The following INSR variants were observed in gnomAD, a reference collection of about 807,000 sequenced individuals.
INSR encodes IR.
INSR carries 67 observed loss-of-function variants against 142.6 expected under a neutral mutation model. The observed-to-expected ratio is 0.47, with a 90% CI of 0.39 to 0.58. INSR has a LOEUF of 0.58. Ranked by LOEUF, INSR falls within the 20% of genes least tolerant of loss-of-function variation. The probability of loss-of-function intolerance (pLI) is 0.00; values close to 1 mark genes in which losing one functional copy is unlikely to be tolerated. For missense variants in INSR, 1,248 were observed against 1,833.2 expected (o/e 0.68, Z 5.83); for synonymous variants, 756 against 743.1 (o/e 1.02, Z -0.28).
intron 1 of INSR, among the ~76,000 whole-genome samples, chr19:7,278,248 G>A (rs1418462925): frequency 6.6e-6 from 1 of 152,186 alleles, no homozygotes; most frequent in Non-Finnish European, 1.5e-5. Context: ...AAAGAGGACT[G>A]TGATGAAACC....
At chr19:7,238,577 C>T (rs1343788855) in intron 2 of INSR, among the ~76,000 whole-genome samples, 17 of 138,328 alleles carry the variant, frequency 1.2e-4, no homozygotes, top group Admixed American at 6.5e-4. Context: ...GCTGAGATCA[C>T]GCCATTGCAC....
chr19:7,131,799 G>T (rs1407829166), intron 14 of INSR, among the ~76,000 whole-genome samples: 1 of 147,296 alleles, frequency 6.8e-6, no homozygotes, highest in Non-Finnish European at 1.5e-5. Flanking sequence ...AGGAGTTTGA[G>T]ACCAGCCTGG....
chr19:7,241,736 T>C (rs1295089874), intron 2 of INSR, among the ~76,000 whole-genome samples: 1 of 151,498 alleles, frequency 6.6e-6, no homozygotes, highest in Admixed American at 6.6e-5. Context: ...GCTACTGGTA[T>C]TGAGTGGAGG....
intron 21 of INSR, among the ~76,000 whole-genome samples, chr19:7,117,694 C>G (rs1158045280): frequency 6.6e-6 from 1 of 151,624 alleles, no homozygotes; most frequent in African/African-American, 2.4e-5. Flanking sequence ...GCAGCCTCTG[C>G]CTCCTAGGCT....
At chr19:7,160,939 T>G (rs1294645650) in intron 9 of INSR, among the ~76,000 whole-genome samples, 2 of 146,620 alleles carry the variant, frequency 1.4e-5, no homozygotes, top group African/African-American at 5.1e-5. Flanking sequence ...GAGGTTGCAG[T>G]GAGCCAAGAT....
intron 3 of INSR, among the ~76,000 whole-genome samples, chr19:7,182,049 A>G (rs1017246389): frequency 1.3e-5 from 2 of 151,448 alleles, no homozygotes; most frequent in Non-Finnish European, 2.9e-5. Flanking sequence ...GAAAAGCTTC[A>G]GGCCAGGTGC....
chr19:7,174,713 G>C lies in INSR; in HGVS notation c.993C>G (p.Cys331Trp). 1 of 1,613,984 alleles carries C rather than the reference G, an allele frequency of 6.2e-7. No individual in the cohort carries two copies. The highest frequency in any genetic ancestry group is 8.5e-7 in the Non-Finnish European group (1 of 1,179,964). Residue 331 changes from cysteine (C) to tryptophan (W), a missense_variant, in exon 4 of 22, where the codon TGC (cysteine) becomes TGG (tryptophan). Physicochemically the swap from Cys to Trp is radical, Grantham distance 215 (BLOSUM62 -2). This residue lies in a region of INSR where 1,069 missense variants were observed against 1,654.0 expected (regional missense o/e 0.65). Transcript: ENST00000302850. ...MNSSNLLCTP[C>W]LGPCPKVCHL... ...GGCACACCTTGGGACAGGGACCCAG[G>C]CATGGGGTGCACAGCAAGCTAAGGA...
At position 7,248,348 on chromosome 19, in the gene INSR, C is replaced by T. The variant is rs376038799; in HGVS notation, c.652+18997G>A. 1.2e-3 allele frequency among the ~76,000 whole-genome samples: 181 copies of T among 147,214 alleles called. 1 individual carries two copies. Among genetic ancestry groups the T allele is most frequent in the African/African-American group, 4.3e-3 (173 of 40,344 alleles). ...ATATTTTTTAAAAATTAGTCAGGCA[C>T]GGTGGTTCATGCCTGTAGTGCCAGC... On this transcript the variant is annotated intron_variant, in intron 2 of 21. Coordinates refer to ENST00000302850, the MANE Select transcript of INSR (RefSeq NM_000208.4).
At chr19:7,293,765 C>T (rs1201745524) in intron 1 of INSR, 27 bp downstream of exon 1, 4 of 1,325,008 alleles carry the variant, frequency 3.0e-6, no homozygotes, top group Non-Finnish European at 2.9e-6. Flanking sequence ...CGGCGCTCCC[C>T]GCCCACGCCC....
intron 2 of INSR, among the ~76,000 whole-genome samples, chr19:7,189,124 G>A (rs1215828987): frequency 6.6e-6 from 1 of 152,074 alleles, no homozygotes; most frequent in Non-Finnish European, 1.5e-5. Context: ...CAATATACAA[G>A]GCAGACAACA....
In INSR at chr19:7,159,939, G is replaced by A. The variant is rs1427489342; in HGVS notation, c.2029+3093C>T. Among the ~76,000 whole-genome samples, 2 of 152,120 alleles carry A rather than the reference G, an allele frequency of 1.3e-5. No homozygotes were observed. The highest frequency in any genetic ancestry group is 1.3e-4 in the Admixed American group (2 of 15,260). On this transcript the variant is annotated intron_variant, in intron 9 of 21. Transcript: ENST00000302850. The surrounding 1 kb of genome is among the most constrained non-coding windows in gnomAD (Gnocchi z 4.3). The stretch of plus-strand genomic sequence containing the variant: ...GCCTTCTCCTCCAGGGTCATGGACC[G>A]AGGATATCACTAACAGAAAATATCT...
At chr19:7,219,487 A>AAGGAAGGAGGGAG (rs1445884167) in intron 2 of INSR, among the ~76,000 whole-genome samples, 1 of 118,158 alleles carries the variant, frequency 8.5e-6, no homozygotes, top group Non-Finnish European at 1.7e-5. Flanking sequence ...GAGGGAGGGA[A>AAGGAAGGAGGGAG]GGAAGGAAGG....
At chr19:7,161,013 A>AAAT (rs957223863) in intron 9 of INSR, among the ~76,000 whole-genome samples, 5 of 146,088 alleles carry the variant, frequency 3.4e-5, no homozygotes, top group Non-Finnish European at 6.0e-5. Context: ...AAAAAAAAGA[A>AAAT]AATAATAATA....
At chr19:7,260,286 G>A (rs916779505) in intron 2 of INSR, among the ~76,000 whole-genome samples, 2 of 152,118 alleles carry the variant, frequency 1.3e-5, no homozygotes, top group African/African-American at 4.8e-5. Context: ...GTGGCATCTC[G>A]GGTTGGTTTC....
chr19:7,184,510 C>T lies in INSR; in HGVS notation c.780G>A (p.Leu260=). The T allele has an allele frequency of 6.2e-7, 1 of 1,613,942 alleles. No individual in the cohort carries two copies. The change falls in exon 3 of 22, where the codon CTG becomes CTA. Residue 260 remains leucine (L), a synonymous_variant. Transcript: ENST00000302850. ...TKCVACRNFY[L]DGRCVETCPP... ...GGCAGGTCTCCACACACCTGCCGTC[C>T]AGGTAGAAGTTGCGGCAGGCCACGC...
At chr19:7,211,248 G>T (rs1208265900) in intron 2 of INSR, among the ~76,000 whole-genome samples, 1 of 152,166 alleles carries the variant, frequency 6.6e-6, no homozygotes, top group Non-Finnish European at 1.5e-5. Context: ...TATATTTGTA[G>T]TAGAAATAGG....
intron 2 of INSR, among the ~76,000 whole-genome samples, chr19:7,188,870 C>CAA (rs10549803): frequency 2.0e-3 from 141 of 71,548 alleles, no homozygotes; most frequent in East Asian, 2.7e-3. Context: ...GACTCTATCT[C>CAA]AAAAAAAAAA....
chr19:7,281,136 GA>G (rs1181414177), intron 1 of INSR, among the ~76,000 whole-genome samples: 1 of 152,100 alleles, frequency 6.6e-6, no homozygotes, highest in African/African-American at 2.4e-5. Context: ...AATTTATACA[GA>G]CAAGAGCAGA....
chr19:7,193,365 A>G (rs982604886), intron 2 of INSR, among the ~76,000 whole-genome samples: 1 of 152,000 alleles, frequency 6.6e-6, no homozygotes, highest in African/African-American at 2.4e-5. Flanking sequence ...TATAAAAATT[A>G]GCTGAGCATG....
Sources: gnomAD v4.1 joint callset for allele counts (sites outside exome capture counted in the v4.1 genomes callset) on GRCh38, gnomAD v4.1.1 for gene constraint, gnomAD v4.1.1 regional missense constraint, Gnocchi (gnomAD v3.1) non-coding constraint, MANE v1.5 for transcripts, NCBI Gene and HGNC (gene_info 2026-07-23, HGNC 2026-07-21) for gene names.